Variants in FGF14 observed in about 807,000 individuals in gnomAD.
The protein encoded by FGF14 is fibroblast growth factor 14.
Under a neutral mutation model 25.5 loss-of-function variants are expected in FGF14, and 5 were observed. That is an observed-to-expected ratio of 0.20 (90% CI 0.10 to 0.41). The LOEUF (loss-of-function observed/expected upper bound fraction) is 0.41, where lower values mean the gene tolerates loss of function less well. FGF14 is among the 10% of genes least tolerant of loss of function. FGF14 has a pLI of 1.00. For synonymous variants in FGF14, 138 were observed against 118.3 expected (o/e 1.17, Z -1.08); for missense variants, 222 against 320.1 (o/e 0.69, Z 2.34).
chr13:101,971,832 G>C (rs1328072884), intron 1 of FGF14, among the ~76,000 whole-genome samples: 1 of 152,212 alleles, frequency 6.6e-6, no homozygotes, highest in Non-Finnish European at 1.5e-5. Context: ...TAAAGTTGCT[G>C]TCCCTTATAA....
intron 1 of FGF14, among the ~76,000 whole-genome samples, chr13:102,302,753 G>A (rs1213769309): frequency 6.6e-6 from 1 of 152,078 alleles, no homozygotes; most frequent in African/African-American, 2.4e-5. Context: ...TCTACTTCCA[G>A]CATATGTCCA....
At chr13:102,076,353 T>C (rs1331231224) in intron 1 of FGF14, among the ~76,000 whole-genome samples, 2 of 152,202 alleles carry the variant, frequency 1.3e-5, no homozygotes, top group Middle Eastern at 3.2e-3. Context: ...TTGCCCACAG[T>C]ATTCAGTACA....
intron 1 of FGF14, among the ~76,000 whole-genome samples, chr13:102,339,437 AC>A (rs2138890301): frequency 6.6e-6 from 1 of 152,328 alleles, no homozygotes; most frequent in African/African-American, 2.4e-5. Flanking sequence ...AATTTTAAAA[AC>A]AAAATTTTAT....
At chr13:102,140,043 A>AACCC (rs1555365006) in intron 1 of FGF14, among the ~76,000 whole-genome samples, 2 of 82,456 alleles carry the variant, frequency 2.4e-5, no homozygotes, top group African/African-American at 5.0e-5. Context: ...ACTCTTCAAG[A>AACCC]CCCCCCCCCC....
rs187875989 is a variant in FGF14, at chr13:102,292,036, T to C, written c.208+109435A>G. On this transcript the variant is annotated intron_variant, in intron 1 of 4. Coordinates refer to the FGF14 transcript ENST00000376131. ...GTTATCTGGATTAGAGCCGGCCTTG[T>C]CTGTGACCTGGACTCTCACTTTGCC... 3.5e-3 allele frequency among the ~76,000 whole-genome samples: 536 copies of C among 152,194 alleles called. 2 individuals carry two copies. The highest frequency in any genetic ancestry group is 0.034 in the Middle Eastern group (10 of 294).
chr13:101,797,292 T>G (rs1330552878), intron 3 of FGF14, among the ~76,000 whole-genome samples: 2 of 152,154 alleles, frequency 1.3e-5, no homozygotes, highest in Admixed American at 6.6e-5. Flanking sequence ...TTTATCTTTA[T>G]AGACAGGGTG....
At chr13:102,329,682 T>C (rs2056574121) in intron 1 of FGF14, among the ~76,000 whole-genome samples, 1 of 152,156 alleles carries the variant, frequency 6.6e-6, no homozygotes, top group African/African-American at 2.4e-5. Context: ...CTCAGACCTG[T>C]GGATGTATCC....
intron 1 of FGF14, among the ~76,000 whole-genome samples, chr13:102,347,529 G>T (rs181180887): frequency 6.6e-6 from 1 of 152,252 alleles, no homozygotes; most frequent in East Asian, 1.9e-4. Context: ...GAGGCTTTAG[G>T]AAGTGTGCAG....
intron 1 of FGF14, among the ~76,000 whole-genome samples, chr13:102,100,857 T>C (rs994282136): frequency 7.9e-5 from 12 of 152,142 alleles, no homozygotes; most frequent in Non-Finnish European, 2.9e-5. Flanking sequence ...CCCAACACTT[T>C]GGGAGGCTGA....
In FGF14 at chr13:102,362,843, G is replaced by A. The variant is rs369435881; in HGVS notation, c.208+38628C>T. Reference sequence around the variant, plus strand: ...CAAATTTTAAATAACGATTTTGCAGGGTAAAATTTTCAAAATCAGATTAAA... The same window carrying A: ...CAAATTTTAAATAACGATTTTGCAGAGTAAAATTTTCAAAATCAGATTAAA... On this transcript the variant is annotated intron_variant, in intron 1 of 4. Coordinates refer to the FGF14 transcript ENST00000376131. Among the ~76,000 whole-genome samples, 4 of 152,022 alleles carry A rather than the reference G, an allele frequency of 2.6e-5. No homozygotes were observed. The East Asian group carries it at 7.7e-4, about 29-fold the overall frequency.
chr13:101,718,793 A>C lies in FGF14; in HGVS notation c.*4038T>G, dbSNP rs1006932942. 1.3e-5 allele frequency: 2 copies of C among 152,014 alleles called. No homozygotes were observed. Among genetic ancestry groups the C allele is most frequent in the Non-Finnish European group, 2.9e-5 (2 of 68,018 alleles). 9.4% of individuals were successfully genotyped at this position (152,014 alleles called of 1,614,324 possible). ...TAGTGAAAACCAGGAAAAAAAAAAA[A>C]AACTAAAATATAACTCAGCCTTAGT... is the stretch of plus-strand genomic sequence containing the variant. On this transcript the variant is annotated 3_prime_UTR_variant, in exon 5 of 5. Coordinates refer to ENST00000376143, the MANE Select transcript of FGF14 (RefSeq NM_004115.4).
At chr13:102,253,424 T>G (rs1046341035) in intron 1 of FGF14, among the ~76,000 whole-genome samples, 1 of 152,224 alleles carries the variant, frequency 6.6e-6, no homozygotes, top group African/African-American at 2.4e-5. Flanking sequence ...TAACCAGTGA[T>G]GATGAGCTTT....
rs568812205 is a variant in FGF14 at position 102,159,918 on chromosome 13, A to G, written c.208+241553T>C. Reference sequence around the variant, plus strand: ...AGGTATGCCACTGAAAAATAGTTTTATTTTTTCCAATCAGCACTCCTAAAT... The same window carrying G: ...AGGTATGCCACTGAAAAATAGTTTTGTTTTTTCCAATCAGCACTCCTAAAT... On this transcript the variant is annotated intron_variant, in intron 1 of 4. Transcript: ENST00000376131. Among the ~76,000 whole-genome samples, 17 of 152,214 alleles carry G rather than the reference A, an allele frequency of 1.1e-4. No homozygotes were observed. In the East Asian group the frequency reaches 3.3e-3, roughly 29 times the overall value.
chr13:102,261,971 T>C lies in FGF14; in HGVS notation c.208+139500A>G, dbSNP rs1257150622. Among the ~76,000 whole-genome samples the C allele has an allele frequency of 2.6e-5, 4 of 152,112 alleles. No homozygotes were observed. In the East Asian group the frequency reaches 5.8e-4, roughly 22 times the overall value. On this transcript the variant is annotated intron_variant, in intron 1 of 4. Coordinates refer to the FGF14 transcript ENST00000376131. Reference sequence around the variant, plus strand: ...CATGGAGAAAGGGGGCCCACTTAAATTGGGTGTTTGGCTAAGTGACTCTTC... The same window carrying C: ...CATGGAGAAAGGGGGCCCACTTAAACTGGGTGTTTGGCTAAGTGACTCTTC...
At chr13:102,074,907 G>C (rs1325696450) in intron 1 of FGF14, among the ~76,000 whole-genome samples, 1 of 152,146 alleles carries the variant, frequency 6.6e-6, no homozygotes, top group African/African-American at 2.4e-5. Flanking sequence ...TAATAAATTA[G>C]ATATAGAGAG....
chr13:102,328,891 T>G (rs371288683), intron 1 of FGF14, among the ~76,000 whole-genome samples: 9 of 152,156 alleles, frequency 5.9e-5, no homozygotes, highest in Non-Finnish European at 1.2e-4. Context: ...AAGCCCTACA[T>G]GCTCTTGGCA....
chr13:101,896,002 T>C (rs146406286), intron 1 of FGF14, among the ~76,000 whole-genome samples: 104 of 152,290 alleles, frequency 6.8e-4, no homozygotes, highest in African/African-American at 2.5e-3. Flanking sequence ...TGGTTTGATA[T>C]CAAGTATTTT....
chr13:101,837,980 C>T (rs77291289), intron 3 of FGF14, among the ~76,000 whole-genome samples: 2,674 of 151,966 alleles, frequency 0.018, 31 homozygotes, highest in Non-Finnish European at 0.026. Context: ...CTTAGTCTTC[C>T]GGCCTGTGTC....
chr13:102,081,103 C>T (rs2043597366), intron 1 of FGF14, among the ~76,000 whole-genome samples: 1 of 152,192 alleles, frequency 6.6e-6, no homozygotes, highest in Admixed American at 6.5e-5. Flanking sequence ...AATAGTAAGT[C>T]ATGTAAAAAA....
Sources: gnomAD v4.1 joint callset for allele counts (sites outside exome capture counted in the v4.1 genomes callset) on GRCh38, gnomAD v4.1.1 for gene constraint, MANE v1.5 for transcripts, NCBI Gene and HGNC (gene_info 2026-07-23, HGNC 2026-07-21) for gene names.